TFDP1: variants seen among roughly 807,000 people sequenced by gnomAD.
TFDP1 encodes the protein transcription factor Dp-1.
A neutral mutation model predicts 48.0 loss-of-function variants in TFDP1; 6 were observed. The ratio of observed to expected loss-of-function variants is 0.13; its 90% CI spans 0.07 to 0.25. The LOEUF (loss-of-function observed/expected upper bound fraction) is 0.25, where lower values mean the gene tolerates loss of function less well. Ranked by LOEUF, TFDP1 falls within the 10% of genes least tolerant of loss-of-function variation. TFDP1 has a pLI of 1.00. For missense variants in TFDP1, 335 were observed against 543.0 expected (o/e 0.62, Z 3.81); for synonymous variants, 201 against 211.6 (o/e 0.95, Z 0.44).
Position 113,634,045 on chromosome 13 carries a change from G to A in TFDP1, c.618+12G>A. On this transcript the variant is annotated intron_variant, in intron 7 of 11. Coordinates refer to ENST00000375370, the MANE Select transcript of TFDP1 (RefSeq NM_007111.5). The stretch of plus-strand genomic sequence containing the variant: ...GTCAGAACTTAGAGGTGCCCCTTCA[G>A]CCTTCCTTCAACCTTGATTTCCCTT... The A allele has an allele frequency of 1.2e-6, 2 of 1,614,146 alleles. No individual in the cohort carries two copies. The highest frequency in any genetic ancestry group is 1.7e-6 in the Non-Finnish European group (2 of 1,180,032).
intron 2 of TFDP1, among the ~76,000 whole-genome samples, chr13:113,609,116 G>A (rs1421073245): frequency 3.9e-5 from 6 of 152,252 alleles, no homozygotes; most frequent in Admixed American, 2.6e-4. Flanking sequence ...GGCCTGTGCC[G>A]GTGCTGTGTC....
At chr13:113,605,623 C>T (rs1455347491) in intron 2 of TFDP1, among the ~76,000 whole-genome samples, 3 of 152,316 alleles carry the variant, frequency 2.0e-5, no homozygotes, top group African/African-American at 7.2e-5. Flanking sequence ...GTCTCACCCT[C>T]GCAGCAGTAG....
chr13:113,588,873 ATGG>A (rs1197935063), intron 2 of TFDP1, among the ~76,000 whole-genome samples: 4 of 149,356 alleles, frequency 2.7e-5, no homozygotes, highest in Non-Finnish European at 5.9e-5. Flanking sequence ...GAGAGTGGTG[ATGG>A]TGGTGTAGGT....
At position 113,611,255 on chromosome 13, in the gene TFDP1, G is replaced by A. The variant is rs555090767; in HGVS notation, c.79+193G>A. ...TAGAACACAGCCTGCACACACACCA[G>A]TAGCTTTGTGGATTTTGAATTCTAA... On this transcript the variant is annotated intron_variant, in intron 3 of 11. Coordinates refer to ENST00000375370, the MANE Select transcript of TFDP1 (RefSeq NM_007111.5). Among the ~76,000 whole-genome samples, 9 of 152,380 alleles carry A rather than the reference G, an allele frequency of 5.9e-5. No homozygotes were observed. In the East Asian group the frequency reaches 1.7e-3, roughly 29 times the overall value.
At chr13:113,599,681 C>T (rs1305189983) in intron 2 of TFDP1, among the ~76,000 whole-genome samples, 3 of 152,188 alleles carry the variant, frequency 2.0e-5, no homozygotes, top group South Asian at 2.1e-4. Flanking sequence ...TCCCACCTTG[C>T]GAGGCCCAAG....
At chr13:113,625,945 G>A (rs200858531) in intron 4 of TFDP1, among the ~76,000 whole-genome samples, 2,776 of 112,314 alleles carry the variant, frequency 0.025, no homozygotes, top group African/African-American at 0.048. Context: ...TTTCTCAGGC[G>A]TCTCTCACGT....
chr13:113,585,751 A>ATT, intron 1 of TFDP1, 23 bp from the exon 2 acceptor site: 1 of 1,025,074 alleles, frequency 9.8e-7, no homozygotes, highest in Non-Finnish European at 1.4e-6. Flanking sequence ...GTTTTTCCTT[A>ATT]CTTTTTTTTT....
At chr13:113,618,188 A>G (rs2048909233) in intron 3 of TFDP1, among the ~76,000 whole-genome samples, 1 of 152,182 alleles carries the variant, frequency 6.6e-6, no homozygotes, top group Non-Finnish European at 1.5e-5. Flanking sequence ...TATCAAGAAA[A>G]TGTGTGGAAC....
In TFDP1 at chr13:113,633,770, A is replaced by G. The variant is rs3751451; in HGVS notation, c.475-120A>G. The G allele has an allele frequency of 0.39, 477,211 of 1,214,258 alleles. 100,825 individuals carry two copies. The highest frequency in any genetic ancestry group is 0.77 in the African/African-American group (51,041 of 65,876). The allele number at this position is 1,214,258 out of a possible 1,614,324, so 75.2% of individuals were successfully genotyped here. On this transcript the variant is annotated intron_variant, in intron 6 of 11. Transcript: ENST00000375370. This position sits in a 1 kb window ranked among gnomAD's most constrained non-coding sequence, Gnocchi z 4.5. ...TGGGGTGGGAGCGCTCCCTGAGGGCATGTTGGGGTGGCGGCTCCGTGAGCG... is the reference window on the plus strand; with the variant it reads ...TGGGGTGGGAGCGCTCCCTGAGGGCGTGTTGGGGTGGCGGCTCCGTGAGCG...
chr13:113,635,484 G>A (rs1387904919), intron 8 of TFDP1, among the ~76,000 whole-genome samples: 4 of 152,198 alleles, frequency 2.6e-5, no homozygotes, highest in Non-Finnish European at 5.9e-5. Flanking sequence ...ACTTGGTTTG[G>A]GGCCCTGAGG....
intron 3 of TFDP1, among the ~76,000 whole-genome samples, chr13:113,613,592 G>GTGTC (rs57741846): frequency 0.46 from 66,760 of 145,286 alleles, 17,450 homozygotes; most frequent in African/African-American, 0.69. Flanking sequence ...GCATGAGTGT[G>GTGTC]TGTGTGTATG....
intron 2 of TFDP1, among the ~76,000 whole-genome samples, chr13:113,600,513 G>A (rs2048393529): frequency 6.6e-6 from 1 of 150,958 alleles, no homozygotes; most frequent in Non-Finnish European, 1.5e-5. Flanking sequence ...TAGGGCTCCA[G>A]GACCATGAGA....
intron 4 of TFDP1, among the ~76,000 whole-genome samples, chr13:113,625,373 C>CTCTCACGTGTCCTCAGGCG (rs1224591602): frequency 2.5e-5 from 3 of 117,658 alleles, no homozygotes; most frequent in Non-Finnish European, 3.5e-5. Context: ...CCTCAGGCGT[C>CTCTCACGTGTCCTCAGGCG]TCTCACGTGT....
Position 113,638,602 on chromosome 13 carries a change from G to A in TFDP1, c.1085+706G>A, listed in dbSNP as rs144936686. Among the ~76,000 whole-genome samples, 729 of 152,248 alleles carry A rather than the reference G, an allele frequency of 4.8e-3. 6 individuals are homozygous for A. The highest frequency in any genetic ancestry group is 0.03 in the South Asian group (146 of 4,826). On this transcript the variant is annotated intron_variant, in intron 11 of 11. Coordinates refer to ENST00000375370, the MANE Select transcript of TFDP1 (RefSeq NM_007111.5). ...GGTCACAGCACACATATTTTGTTCCGTGCATTTTTCAGCTTACATTTTATT... is the reference window on the plus strand; with the variant it reads ...GGTCACAGCACACATATTTTGTTCCATGCATTTTTCAGCTTACATTTTATT...
intron 4 of TFDP1, among the ~76,000 whole-genome samples, chr13:113,625,494 G>A (rs1359061371): frequency 3.5e-4 from 30 of 85,142 alleles, no homozygotes; most frequent in African/African-American, 1.9e-3. Context: ...TGTCTCTCAC[G>A]TGTTCTCAGG....
chr13:113,624,771 G>C (rs11618699), intron 4 of TFDP1, among the ~76,000 whole-genome samples: 2 of 149,162 alleles, frequency 1.3e-5, no homozygotes, highest in African/African-American at 5.0e-5. Flanking sequence ...CATGTCCTCA[G>C]GTGTCTCTCA....
At chr13:113,596,830 G>A (rs960038641) in intron 2 of TFDP1, among the ~76,000 whole-genome samples, 1 of 152,214 alleles carries the variant, frequency 6.6e-6, no homozygotes, top group African/African-American at 2.4e-5. Flanking sequence ...TTTATCACAT[G>A]TGGATGCTGA....
At chr13:113,638,567 A>G (rs2049562265) in intron 11 of TFDP1, among the ~76,000 whole-genome samples, 1 of 152,186 alleles carries the variant, frequency 6.6e-6, no homozygotes, top group African/African-American at 2.4e-5. Context: ...ATTTTTCAGA[A>G]CGCGTCTGTG....
chr13:113,621,204 C>T (rs753644064), intron 3 of TFDP1, among the ~76,000 whole-genome samples: 4 of 152,220 alleles, frequency 2.6e-5, no homozygotes, highest in African/African-American at 7.2e-5. Context: ...TGCAGCTCTG[C>T]GGATGGGCGG....
Sources: gnomAD v4.1 joint callset for allele counts (sites outside exome capture counted in the v4.1 genomes callset) on GRCh38, gnomAD v4.1.1 for gene constraint, Gnocchi (gnomAD v3.1) non-coding constraint, MANE v1.5 for transcripts, NCBI Gene and HGNC (gene_info 2026-07-23, HGNC 2026-07-21) for gene names.